PBX3: variants seen among roughly 807,000 people sequenced by gnomAD.
PBX3 encodes the protein pre-B-cell leukemia transcription factor 3.
Under a neutral mutation model 48.5 loss-of-function variants are expected in PBX3, and 14 were observed. That is an observed-to-expected ratio of 0.29 (90% CI 0.19 to 0.45). PBX3 has a LOEUF of 0.45. PBX3 is among the 20% of genes least tolerant of loss of function. The pLI, the probability that PBX3 is intolerant of heterozygous loss-of-function variation, is 1.00. For synonymous variants in PBX3, 210 were observed against 200.3 expected, an observed-to-expected ratio of 1.05 and a Z score of -0.41; for missense variants, 386 against 546.7, an observed-to-expected ratio of 0.71 and a Z score of 2.93.
chr9:125,766,962 A>G (rs1172214797), intron 2 of PBX3, among the ~76,000 whole-genome samples: 3 of 152,142 alleles, frequency 2.0e-5, no homozygotes, highest in Non-Finnish European at 2.9e-5. Context: ...TAATTGCTAT[A>G]GTTTTTTGTT....
chr9:125,938,788 A>G (rs950637710), intron 5 of PBX3, among the ~76,000 whole-genome samples: 4 of 152,236 alleles, frequency 2.6e-5, no homozygotes, highest in Non-Finnish European at 4.4e-5. Context: ...ACTGTGGGGA[A>G]AACCATACCA....
intron 2 of PBX3, among the ~76,000 whole-genome samples, chr9:125,762,397 A>AT (rs1203326863): frequency 1.3e-5 from 2 of 151,972 alleles, no homozygotes; most frequent in East Asian, 1.9e-4. Flanking sequence ...CCTTTGAGTT[A>AT]TTTTTTTCCC....
intron 2 of PBX3, among the ~76,000 whole-genome samples, chr9:125,764,150 G>A (rs1270336396): frequency 6.6e-6 from 1 of 152,200 alleles, no homozygotes; most frequent in Non-Finnish European, 1.5e-5. Flanking sequence ...GAGTGTTGCA[G>A]GGGCTTTCAC....
chr9:125,899,465 AG>A, intron 2 of PBX3, among the ~76,000 whole-genome samples: 1 of 146,312 alleles, frequency 6.8e-6, no homozygotes, highest in Non-Finnish European at 1.5e-5. Context: ...AGAGAGAGAG[AG>A]AGAGAGAGAG....
At chr9:125,961,293 C>T (rs900246059) in intron 6 of PBX3, among the ~76,000 whole-genome samples, 1 of 152,220 alleles carries the variant, frequency 6.6e-6, no homozygotes, top group Non-Finnish European at 1.5e-5. Context: ...GCTGTCCTTT[C>T]TCTGCCTTTC....
intron 5 of PBX3, among the ~76,000 whole-genome samples, chr9:125,951,433 C>T: frequency 6.6e-6 from 1 of 152,062 alleles, no homozygotes; most frequent in East Asian, 1.9e-4. Flanking sequence ...AGTGTCTCAC[C>T]AGCACTGGGA....
At chr9:125,808,902 G>A (rs993163410) in intron 2 of PBX3, among the ~76,000 whole-genome samples, 1 of 152,010 alleles carries the variant, frequency 6.6e-6, no homozygotes, top group Non-Finnish European at 1.5e-5. Flanking sequence ...ATGTCTTAAC[G>A]AAGTTTATCT....
chr9:125,748,302 G>T, intron 1 of PBX3: 1 of 1,145,512 alleles, frequency 8.7e-7, no homozygotes, highest in Non-Finnish European at 1.1e-6. Flanking sequence ...TTCGCGTCGC[G>T]TCTGCAGTGG....
intron 2 of PBX3, among the ~76,000 whole-genome samples, chr9:125,791,009 G>A (rs1372955736): frequency 1.3e-5 from 2 of 151,792 alleles, no homozygotes; most frequent in African/African-American, 2.4e-5. Context: ...TGCCTCCTGG[G>A]TTCAAGCAGT....
At chr9:125,947,975 G>A (rs1316248097) in intron 5 of PBX3, among the ~76,000 whole-genome samples, 1 of 152,186 alleles carries the variant, frequency 6.6e-6, no homozygotes, top group Admixed American at 6.5e-5. Flanking sequence ...ACACTTTTCT[G>A]TAACTGAACA....
At chr9:125,891,743 A>G (rs1015161842) in intron 2 of PBX3, among the ~76,000 whole-genome samples, 5 of 152,208 alleles carry the variant, frequency 3.3e-5, no homozygotes, top group African/African-American at 9.6e-5. Context: ...ATGTGTATCT[A>G]TGTATCATTA....
In PBX3 at chr9:125,965,831, G is replaced by A; in HGVS notation, c.1213G>A (p.Ala405Thr). 6.2e-7 allele frequency: 1 copy of A among 1,612,760 alleles called. No individual in the cohort carries two copies. Among genetic ancestry groups the A allele is most frequent in the Non-Finnish European group, 8.5e-7 (1 of 1,178,782 alleles). ...NSLYSPHNLN[A>T]NGGWQDATTP... ...CGTTGAACTGTGTTTCTCCTTTCAG[G>A]CTAATGGAGGCTGGCAGGACGCAAC... is the stretch of plus-strand genomic sequence containing the variant. Residue 405 changes from alanine (A) to threonine (T), a missense_variant and splice_region_variant, in exon 9 of 9, where the codon GCT becomes ACT. Transcript: ENST00000373489.
chr9:125,922,994 A>T (rs1332071970), intron 3 of PBX3, among the ~76,000 whole-genome samples: 1 of 152,276 alleles, frequency 6.6e-6, no homozygotes. Flanking sequence ...CTAATTAATC[A>T]TGTATGAACT....
intron 2 of PBX3, among the ~76,000 whole-genome samples, chr9:125,812,265 A>G (rs1217071343): frequency 1.3e-5 from 2 of 152,224 alleles, no homozygotes; most frequent in Admixed American, 6.5e-5. Flanking sequence ...GTGCTTCAAT[A>G]TATGAATGGG....
intron 2 of PBX3, among the ~76,000 whole-genome samples, chr9:125,795,283 G>A (rs1837746338): frequency 6.6e-6 from 1 of 152,326 alleles, no homozygotes; most frequent in African/African-American, 2.4e-5. Flanking sequence ...CAAAGAGGAA[G>A]TATCCGTGCT....
At chr9:125,839,253 T>C (rs1261696164) in intron 2 of PBX3, among the ~76,000 whole-genome samples, 1 of 152,220 alleles carries the variant, frequency 6.6e-6, no homozygotes, top group African/African-American at 2.4e-5. Flanking sequence ...TCAATAGATA[T>C]GTTACTACTA....
chr9:125,821,166 A>G (rs907379324), intron 2 of PBX3, among the ~76,000 whole-genome samples: 1 of 152,138 alleles, frequency 6.6e-6, no homozygotes, highest in Non-Finnish European at 1.5e-5. Context: ...CGTTACCAAT[A>G]AATGATAACT....
intron 5 of PBX3, among the ~76,000 whole-genome samples, chr9:125,958,810 A>G (rs894419865): frequency 5.3e-5 from 8 of 152,344 alleles, no homozygotes; most frequent in South Asian, 2.1e-4. Context: ...GAAATTTTGA[A>G]TATGGATAAG....
chr9:125,934,324 T>C (rs1841787268), intron 4 of PBX3, among the ~76,000 whole-genome samples: 1 of 152,210 alleles, frequency 6.6e-6, no homozygotes, highest in South Asian at 2.1e-4. Flanking sequence ...AACAGCCTAC[T>C]GACTCTGTGT....
Sources: gnomAD v4.1 joint callset for allele counts (sites outside exome capture counted in the v4.1 genomes callset) on GRCh38, gnomAD v4.1.1 for gene constraint, MANE v1.5 for transcripts, NCBI Gene and HGNC (gene_info 2026-07-23, HGNC 2026-07-21) for gene names.